The following SEPTIN10 variants were observed in gnomAD, a reference collection of about 807,000 sequenced individuals.
SEPTIN10 encodes the protein septin-10.
Under a neutral mutation model 54.8 loss-of-function variants are expected in SEPTIN10, and 66 were observed. The observed-to-expected ratio is 1.21, with a 90% CI of 0.99 to 1.48. The LOEUF (loss-of-function observed/expected upper bound fraction) is 1.48. SEPTIN10 is among the 40% of genes most tolerant of loss of function. The pLI, the probability that SEPTIN10 is intolerant of heterozygous loss-of-function variation, is 0.00. For missense variants in SEPTIN10, 620 were observed against 545.6 expected (o/e 1.14, Z -1.36); for synonymous variants, 161 against 181.0 (o/e 0.89, Z 0.89).
rs139655652 is a variant in SEPTIN10, at chr2:109,561,342, C to T, written c.1028+3024G>A. ...ATTTTCCAGCTTAAATTTGGAACCC[C>T]CCCACCCACACAACCCATTTTACAC... On this transcript the variant is annotated intron_variant, in intron 8 of 10. Transcript: ENST00000397712. 5.3e-3 allele frequency among the ~76,000 whole-genome samples: 809 copies of T among 152,192 alleles called. 6 individuals carry two copies. Among genetic ancestry groups the T allele is most frequent in the African/African-American group, 0.019 (770 of 41,512 alleles).
Position 109,553,150 on chromosome 2 carries a change from C to T in SEPTIN10, c.1098G>A (p.Met366Ile), listed in dbSNP as rs1243905449. 6 of 1,613,950 alleles carry T rather than the reference C, an allele frequency of 3.7e-6. No homozygotes were observed. The African/African-American group carries it at 4.0e-5, about 11-fold the overall frequency. The part of the protein sequence containing the change: ...HGERQRKEEE[M>I]KQMFVQRVKE... The stretch of plus-strand genomic sequence containing the variant: ...TTACTCGCTGCACAAACATCTGTTT[C>T]ATTTCTTCTTCCTTCCTCTGACGTT... Residue 366 changes from methionine (M) to isoleucine (I), a missense_variant, in exon 9 of 11, where the codon ATG (methionine) becomes ATA (isoleucine). By Grantham distance (10) the Met-to-Ile change is conservative. Coordinates refer to ENST00000397712, the MANE Select transcript of SEPTIN10 (RefSeq NM_144710.5).
chr2:109,575,600 G>A (rs1232960155), intron 4 of SEPTIN10, among the ~76,000 whole-genome samples: 1 of 152,192 alleles, frequency 6.6e-6, no homozygotes, highest in Non-Finnish European at 1.5e-5. Flanking sequence ...AATGGTGTGT[G>A]AGCATTCCAT....
chr2:109,582,703 A>G (rs537272404), intron 4 of SEPTIN10, among the ~76,000 whole-genome samples: 1 of 152,324 alleles, frequency 6.6e-6, no homozygotes, highest in African/African-American at 2.4e-5. Flanking sequence ...AGAAACAAAA[A>G]AGAGACTGAA....
At chr2:109,549,924 T>C (rs1057172074) in intron 9 of SEPTIN10, among the ~76,000 whole-genome samples, 17 of 152,184 alleles carry the variant, frequency 1.1e-4, no homozygotes, top group African/African-American at 4.1e-4. Context: ...AACTGAAACC[T>C]CAGAAAGCCA....
Position 109,563,333 on chromosome 2 carries a change from T to C in SEPTIN10, c.1028+1033A>G, listed in dbSNP as rs145435063. 5.5e-3 allele frequency among the ~76,000 whole-genome samples: 840 copies of C among 152,364 alleles called. 11 individuals carry two copies. In the South Asian group the frequency reaches 0.056, roughly 10 times the overall value. On this transcript the variant is annotated intron_variant, in intron 8 of 10. Transcript: ENST00000397712. ...AGATTAAGTCTTCCAAAAGCTTATA[T>C]GCAACAGCGGCACTAATTTGATGCA...
intron 8 of SEPTIN10, among the ~76,000 whole-genome samples, chr2:109,558,056 T>A (rs1684789949): frequency 6.6e-6 from 1 of 152,188 alleles, no homozygotes; most frequent in African/African-American, 2.4e-5. Context: ...CCTCCCATAG[T>A]GTTGGGATTA....
intron 8 of SEPTIN10, among the ~76,000 whole-genome samples, chr2:109,555,154 C>T (rs965524849): frequency 4.6e-5 from 7 of 152,174 alleles, no homozygotes; most frequent in African/African-American, 1.7e-4. Context: ...ACACAGATCT[C>T]ATTATCTTTT....
chr2:109,548,605 G>A (rs1171797650), intron 9 of SEPTIN10, among the ~76,000 whole-genome samples: 2 of 151,804 alleles, frequency 1.3e-5, no homozygotes, highest in South Asian at 2.1e-4. Flanking sequence ...GGGAAACCCC[G>A]TCTCTACTAA....
intron 1 of SEPTIN10, among the ~76,000 whole-genome samples, chr2:109,601,798 T>C (rs1696648019): frequency 1.3e-5 from 2 of 152,082 alleles, no homozygotes. Flanking sequence ...TCTTCCTTTA[T>C]GATGTCTTAC....
At chr2:109,547,005 T>TAGGCGC (rs1179914876) in intron 9 of SEPTIN10, among the ~76,000 whole-genome samples, 1 of 152,188 alleles carries the variant, frequency 6.6e-6, no homozygotes, top group African/African-American at 2.4e-5. Flanking sequence ...GACCTCCCTT[T>TAGGCGC]AGGCGCCTAA....
chr2:109,613,961 G>A lies in SEPTIN10; in HGVS notation c.-134C>T, dbSNP rs996884954. 3 of 1,160,200 alleles carry A rather than the reference G, an allele frequency of 2.6e-6. No homozygotes were observed. Among genetic ancestry groups the A allele is most frequent in the Non-Finnish European group, 3.2e-6 (3 of 942,328 alleles). 71.9% of individuals were successfully genotyped at this position (1,160,200 alleles called of 1,614,324 possible). ...GAGGCTAGGCTGCCTCCGCGACGGG[G>A]AAGGGACAGGGGCGGGGCCGAGCTG... On this transcript the variant is annotated 5_prime_UTR_variant, in exon 1 of 11. Transcript: ENST00000397712.
intron 6 of SEPTIN10, among the ~76,000 whole-genome samples, chr2:109,566,699 C>T (rs1223712650): frequency 6.6e-6 from 1 of 151,838 alleles, no homozygotes; most frequent in Admixed American, 6.6e-5. Flanking sequence ...CACAAGCTAA[C>T]CCACATCAAG....
chr2:109,585,650 C>T, intron 3 of SEPTIN10, 71 bp downstream of exon 3: 1 of 1,017,160 alleles, frequency 9.8e-7, no homozygotes, highest in Non-Finnish European at 1.6e-6. Flanking sequence ...CATTGTTCTG[C>T]CCATGACAAG....
intron 8 of SEPTIN10, 185 bp downstream of exon 8, chr2:109,564,181 G>A: frequency 2.1e-6 from 1 of 471,348 alleles, no homozygotes; most frequent in Non-Finnish European, 3.5e-6. Context: ...TAAAAAGCAA[G>A]ACTCTTCAAA....
At chr2:109,585,096 C>A in intron 4 of SEPTIN10, 30 bp downstream of exon 4, 1 of 1,417,676 alleles carries the variant, frequency 7.1e-7, no homozygotes. Flanking sequence ...ATAAGAAAAA[C>A]TTGTTTTATT....
rs1474448399 is a variant in SEPTIN10, at chr2:109,544,295, C to T, written c.*14G>A. The T allele has an allele frequency of 6.2e-7, 1 of 1,601,372 alleles. No homozygotes were observed. The highest frequency in any genetic ancestry group is 2.2e-5 in the East Asian group (1 of 44,752). On this transcript the variant is annotated 3_prime_UTR_variant, in exon 11 of 11. Coordinates refer to ENST00000397712, the MANE Select transcript of SEPTIN10 (RefSeq NM_144710.5). Reference sequence around the variant, plus strand: ...GCTTGTGATGATGACCTTCTGTGCTCTGGAACTTCTGTTTTACAAAAAATT... The same window carrying T: ...GCTTGTGATGATGACCTTCTGTGCTTTGGAACTTCTGTTTTACAAAAAATT...
intron 5 of SEPTIN10, among the ~76,000 whole-genome samples, chr2:109,570,528 T>G (rs1179427220): frequency 2.2e-5 from 1 of 46,108 alleles, no homozygotes; most frequent in Non-Finnish European, 7.8e-5. Context: ...TTGTATCAGG[T>G]TTTTTTTTTT....
At chr2:109,576,783 C>G (rs28603269) in intron 4 of SEPTIN10, among the ~76,000 whole-genome samples, 2,724 of 152,056 alleles carry the variant, frequency 0.018, 75 homozygotes, top group African/African-American at 0.062. Flanking sequence ...CTTTCATACT[C>G]TGGACAAAAA....
chr2:109,613,078 CG>C, intron 1 of SEPTIN10: 1 of 678,626 alleles, frequency 1.5e-6, no homozygotes, highest in Non-Finnish European at 2.3e-6. Context: ...ACACAGGCAT[CG>C]GGCCTCCAAA....
Sources: gnomAD v4.1 joint callset for allele counts (sites outside exome capture counted in the v4.1 genomes callset) on GRCh38, gnomAD v4.1.1 for gene constraint, MANE v1.5 for transcripts, NCBI Gene and HGNC (gene_info 2026-07-23, HGNC 2026-07-21) for gene names.